Variants in TANC1 observed in about 807,000 individuals in gnomAD.
TANC1 encodes the protein tetratricopeptide repeat, ankyrin repeat and coiled-coil containing 1, also known as protein TANC1.
In TANC1, 77 loss-of-function variants were observed where a neutral mutation model predicts 149.7. The ratio of observed to expected loss-of-function variants is 0.51; its 90% CI spans 0.43 to 0.62. TANC1 has a LOEUF of 0.62. Ranked by LOEUF, TANC1 falls within the 20% of genes least tolerant of loss-of-function variation. TANC1 has a pLI of 0.00. For missense variants in TANC1, 1,985 were observed against 2,321.8 expected, an observed-to-expected ratio of 0.85 and a Z score of 2.98; for synonymous variants, 854 against 925.0, an observed-to-expected ratio of 0.92 and a Z score of 1.39.
chr2:159,034,674 C>CA (rs1015429858), intron 2 of TANC1, among the ~76,000 whole-genome samples: 2 of 152,236 alleles, frequency 1.3e-5, no homozygotes, highest in African/African-American at 4.8e-5. Flanking sequence ...TTTTGCTACT[C>CA]AAGCCCCAAA....
intron 4 of TANC1, among the ~76,000 whole-genome samples, chr2:159,120,569 T>C (rs560068798): frequency 1.7e-3 from 253 of 152,294 alleles, no homozygotes; most frequent in African/African-American, 5.9e-3. Flanking sequence ...TAAAATTCAA[T>C]GTGTCAATCT....
rs549480784 is a variant in TANC1 at position 159,029,042 on chromosome 2, C to A, written c.-16+27853C>A. On this transcript the variant is annotated intron_variant, in intron 2 of 26. Transcript: ENST00000263635. ...AAGTGTTGGGATTACAGGTGTGAGC[C>A]ACAGTGCCTAGCAGAGTTTGACTAC... Among the ~76,000 whole-genome samples the A allele has an allele frequency of 1.1e-3, 167 of 152,288 alleles. 2 individuals are homozygous for A. The South Asian group carries it at 0.013, about 12-fold the overall frequency.
chr2:159,103,137 G>T (rs2046898822), intron 4 of TANC1, among the ~76,000 whole-genome samples: 1 of 96,312 alleles, frequency 1.0e-5, no homozygotes, highest in African/African-American at 2.9e-5. Context: ...AACCATTTAA[G>T]TGTACAGTTC....
At chr2:159,108,533 C>T (rs985616310) in intron 4 of TANC1, among the ~76,000 whole-genome samples, 3 of 151,992 alleles carry the variant, frequency 2.0e-5, no homozygotes, top group Non-Finnish European at 4.4e-5. Flanking sequence ...AGATCTTTTT[C>T]ATCATTTCTG....
At chr2:159,195,723 G>A (rs992492132) in intron 17 of TANC1, among the ~76,000 whole-genome samples, 2 of 152,128 alleles carry the variant, frequency 1.3e-5, no homozygotes, top group Non-Finnish European at 2.9e-5. Flanking sequence ...GCACATCACC[G>A]CACCTCCATT....
intron 24 of TANC1, chr2:159,226,616 AATTT>A (rs2060040508): frequency 6.6e-6 from 1 of 152,248 alleles, no homozygotes; most frequent in Non-Finnish European, 1.5e-5. Flanking sequence ...AGACTGAATT[AATTT>A]TTTCCATTTT....
chr2:159,063,044 G>A (rs1015552512), intron 2 of TANC1, among the ~76,000 whole-genome samples: 7 of 149,148 alleles, frequency 4.7e-5, no homozygotes, highest in Admixed American at 1.3e-4. Flanking sequence ...GTACCGATTT[G>A]TTAATTTATT....
intron 1 of TANC1, among the ~76,000 whole-genome samples, chr2:158,987,187 C>T (rs1442951601): frequency 2.9e-5 from 4 of 138,554 alleles, no homozygotes; most frequent in Non-Finnish European, 4.5e-5. Context: ...GCACTCCAGC[C>T]TGGGTGACAG....
intron 7 of TANC1, among the ~76,000 whole-genome samples, chr2:159,159,359 A>G (rs923202713): frequency 8.0e-5 from 12 of 150,494 alleles, no homozygotes; most frequent in Non-Finnish European, 1.8e-4. Flanking sequence ...GGATCGCTTG[A>G]GCCTTGGAAG....
intron 2 of TANC1, among the ~76,000 whole-genome samples, chr2:159,062,973 C>CCAAAAAA (rs770866772): frequency 4.9e-4 from 20 of 41,204 alleles, no homozygotes; most frequent in Non-Finnish European, 9.1e-4. Context: ...GACTCCGTCT[C>CCAAAAAA]AAAAAAAAAA....
chr2:159,137,645 G>C (rs1299106818), intron 5 of TANC1, among the ~76,000 whole-genome samples: 1 of 152,156 alleles, frequency 6.6e-6, no homozygotes. Context: ...CAGGCAGTCT[G>C]TTCTCTCTCT....
At chr2:158,998,137 G>A (rs772497134) in intron 1 of TANC1, among the ~76,000 whole-genome samples, 3 of 151,942 alleles carry the variant, frequency 2.0e-5, no homozygotes, top group Non-Finnish European at 2.9e-5. Context: ...GGTGGTGTGC[G>A]CCTGTAGTTC....
intron 3 of TANC1, among the ~76,000 whole-genome samples, chr2:159,090,217 T>C (rs1251460773): frequency 2.0e-5 from 3 of 152,212 alleles, no homozygotes; most frequent in Non-Finnish European, 4.4e-5. Flanking sequence ...TGTGCCTACA[T>C]ACATATGTAG....
intron 7 of TANC1, among the ~76,000 whole-genome samples, chr2:159,162,405 A>G (rs188695479): frequency 1.1e-3 from 174 of 152,318 alleles, no homozygotes; most frequent in African/African-American, 3.9e-3. Context: ...CGTTAGTTCT[A>G]ACAGTGGGGC....
chr2:158,971,435 C>T (rs1424034793), intron 1 of TANC1, among the ~76,000 whole-genome samples: 2 of 152,030 alleles, frequency 1.3e-5, no homozygotes, highest in Non-Finnish European at 2.9e-5. Context: ...GTTTGTGTTA[C>T]AGGAATACAT....
At chr2:159,114,648 A>G (rs1285914524) in intron 4 of TANC1, among the ~76,000 whole-genome samples, 1 of 152,140 alleles carries the variant, frequency 6.6e-6, no homozygotes, top group African/African-American at 2.4e-5. Flanking sequence ...TTGCATTTTG[A>G]CACTCTTTTA....
intron 2 of TANC1, among the ~76,000 whole-genome samples, chr2:159,017,679 G>A (rs764671677): frequency 6.9e-6 from 1 of 144,698 alleles, no homozygotes; most frequent in Non-Finnish European, 1.5e-5. Context: ...AGCAGTCTGG[G>A]TAACAACAAC....
At chr2:159,063,272 T>C (rs989139635) in intron 2 of TANC1, among the ~76,000 whole-genome samples, 25 of 152,190 alleles carry the variant, frequency 1.6e-4, no homozygotes, top group Non-Finnish European at 3.1e-4. Flanking sequence ...GGGGTATGTG[T>C]TTATAAGTGT....
At chr2:159,066,032 C>T (rs1574431923) in intron 3 of TANC1, 61 bp downstream of exon 3, 1 of 1,326,724 alleles carries the variant, frequency 7.5e-7, no homozygotes, top group Non-Finnish European at 1.1e-6. Flanking sequence ...GCTCCTCACC[C>T]CAGGCCGGAT....
Sources: allele counts gnomAD v4.1 joint callset (sites outside exome capture counted in the v4.1 genomes callset), GRCh38; gene constraint gnomAD v4.1.1; transcripts MANE v1.5; gene names NCBI Gene and HGNC (gene_info 2026-07-23, HGNC 2026-07-21).